ANO6: variants seen among roughly 807,000 people sequenced by gnomAD.
ANO6 encodes the protein anoctamin 6.
In ANO6, 106 loss-of-function variants were observed where a neutral mutation model predicts 117.5. The observed-to-expected ratio is 0.90, with a 90% CI of 0.77 to 1.06. The LOEUF (loss-of-function observed/expected upper bound fraction) is 1.06, where lower values mean the gene tolerates loss of function less well. Ranked by LOEUF, ANO6 falls within the 50% of genes least tolerant of loss-of-function variation. The pLI is 0.00. For missense variants in ANO6, 955 were observed against 1,121.1 expected, an observed-to-expected ratio of 0.85 and a Z score of 2.12; for synonymous variants, 367 against 385.1, an observed-to-expected ratio of 0.95 and a Z score of 0.55.
intron 1 of ANO6, among the ~76,000 whole-genome samples, chr12:45,282,482 A>T (rs1169099400): frequency 6.6e-6 from 1 of 152,222 alleles, no homozygotes; most frequent in Non-Finnish European, 1.5e-5. Context: ...GAGAGTCTTC[A>T]AAAGAAGTCG....
In ANO6 at chr12:45,309,852, G is replaced by A. The variant is rs1939793828; in HGVS notation, c.150+7759G>A. On this transcript the variant is annotated intron_variant, in intron 2 of 19. Coordinates refer to ENST00000320560, the MANE Select transcript of ANO6 (RefSeq NM_001025356.3). ...CTTTGCCTTGTGTCTTTGGCCTTAAGCTTGCCAAACTAAAAAAGAAACTCA... is the reference window on the plus strand; with the variant it reads ...CTTTGCCTTGTGTCTTTGGCCTTAAACTTGCCAAACTAAAAAAGAAACTCA... Among the ~76,000 whole-genome samples the A allele has an allele frequency of 2.6e-5, 4 of 152,006 alleles. No individual in the cohort carries two copies. In the South Asian group the frequency reaches 8.3e-4, roughly 31 times the overall value.
chr12:45,381,512 G>A (rs1942168499), intron 10 of ANO6, among the ~76,000 whole-genome samples: 1 of 152,216 alleles, frequency 6.6e-6, no homozygotes. Context: ...AGCATTGTGA[G>A]TCAGCACTGG....
At chr12:45,432,613 A>ACTT (rs1365791792), downstream of ANO6, among the ~76,000 whole-genome samples, 3 of 152,198 alleles carry the variant, frequency 2.0e-5, no homozygotes, top group African/African-American at 7.2e-5. Flanking sequence ...TTTTTACCAG[A>ACTT]CTTTTGAATA....
At chr12:45,422,376 G>A (rs1943387313) in intron 18 of ANO6, among the ~76,000 whole-genome samples, 1 of 152,042 alleles carries the variant, frequency 6.6e-6, no homozygotes, top group African/African-American at 2.4e-5. Flanking sequence ...GATAAATGTT[G>A]GGAGAACAAA....
At chr12:45,233,202 G>A (rs1592847781) in intron 1 of ANO6, among the ~76,000 whole-genome samples, 1 of 152,300 alleles carries the variant, frequency 6.6e-6, no homozygotes, top group East Asian at 1.9e-4. Flanking sequence ...ACCTACTGAT[G>A]ACTCTGATAT....
rs552967079 is a variant in ANO6, at chr12:45,226,990, T to C, written c.70+10599T>C. Reference sequence around the variant, plus strand: ...TAACAAAAATTATCATTTTCTTTTTTTTTTTTTTTTTTTTTGAAGATGGAG... The same window carrying C: ...TAACAAAAATTATCATTTTCTTTTTCTTTTTTTTTTTTTTTGAAGATGGAG... On this transcript the variant is annotated intron_variant, in intron 1 of 19. Transcript: ENST00000320560. Among the ~76,000 whole-genome samples, 905 of 146,034 alleles carry C rather than the reference T, an allele frequency of 6.2e-3. 10 individuals are homozygous for C. Among genetic ancestry groups the C allele is most frequent in the African/African-American group, 0.021 (832 of 39,752 alleles).
chr12:45,304,137 A>G (rs1393596685), intron 2 of ANO6, among the ~76,000 whole-genome samples: 1 of 152,144 alleles, frequency 6.6e-6, no homozygotes, highest in Non-Finnish European at 1.5e-5. Context: ...TCTCCTTAGC[A>G]TCAGCTTAGC....
chr12:45,264,529 T>C (rs779986066), intron 1 of ANO6, among the ~76,000 whole-genome samples: 1 of 152,232 alleles, frequency 6.6e-6, no homozygotes, highest in African/African-American at 2.4e-5. Context: ...ACCATTGATA[T>C]AGTAAGTGTG....
chr12:45,375,648 C>A (rs1339150358), intron 9 of ANO6, among the ~76,000 whole-genome samples: 3 of 151,924 alleles, frequency 2.0e-5, no homozygotes, highest in Non-Finnish European at 4.4e-5. Context: ...AACTGGCTAG[C>A]CATATGTAGA....
At chr12:45,369,320 G>A (rs1941763681) in intron 9 of ANO6, among the ~76,000 whole-genome samples, 1 of 152,172 alleles carries the variant, frequency 6.6e-6, no homozygotes, top group Non-Finnish European at 1.5e-5. Context: ...CTGGCTTTAA[G>A]GCAGATGCCA....
chr12:45,345,051 T>G (rs777834452), intron 3 of ANO6, among the ~76,000 whole-genome samples: 8 of 152,150 alleles, frequency 5.3e-5, no homozygotes, highest in Non-Finnish European at 1.0e-4. Context: ...TGCTTGTGTT[T>G]AGGGAAGTTA....
At chr12:45,302,782 G>C (rs1376973527) in intron 2 of ANO6, among the ~76,000 whole-genome samples, 1 of 152,242 alleles carries the variant, frequency 6.6e-6, no homozygotes, top group East Asian at 1.9e-4. Flanking sequence ...GGGCGGGGAT[G>C]GGAACAAGTG....
intron 1 of ANO6, among the ~76,000 whole-genome samples, chr12:45,252,455 A>G (rs974652722): frequency 6.6e-6 from 1 of 152,264 alleles, no homozygotes; most frequent in Non-Finnish European, 1.5e-5. Flanking sequence ...CCAAAGAAGC[A>G]TAATCATTTT....
At chr12:45,347,194 C>T in intron 4 of ANO6, 107 bp downstream of exon 4, 1 of 1,047,308 alleles carries the variant, frequency 9.5e-7, no homozygotes, top group East Asian at 2.5e-5. Context: ...CTGGCCACAT[C>T]TTAGTCATAG....
chr12:45,329,362 C>A (rs769640400), intron 2 of ANO6, among the ~76,000 whole-genome samples: 25 of 152,110 alleles, frequency 1.6e-4, no homozygotes, highest in Admixed American at 5.9e-4. Context: ...GTATTGCATT[C>A]TAATAGTACC....
chr12:45,437,494 A>T (rs1020249614), intron 19 of ANO6, among the ~76,000 whole-genome samples: 47 of 152,202 alleles, frequency 3.1e-4, no homozygotes, highest in African/African-American at 1.1e-3. Flanking sequence ...TTTCTAATAC[A>T]GTAATTTCTA....
Position 45,248,484 on chromosome 12 carries a change from A to G in ANO6, c.70+32093A>G, listed in dbSNP as rs144887510. 4.8e-3 allele frequency among the ~76,000 whole-genome samples: 607 copies of G among 127,268 alleles called. 5 individuals carry two copies. The highest frequency in any genetic ancestry group is 0.018 in the African/African-American group (573 of 31,344). 83.5% of individuals were successfully genotyped at this position (127,268 alleles called of 152,430 possible). A position where few individuals can be genotyped will look rare whatever the true frequency, so the allele number is the denominator to read the frequency against. ...AGTTGCTCTCTGTCGCCCAGGCTGG[A>G]GTGGAGTGGCATGATCTCGGTTCAT... On this transcript the variant is annotated intron_variant, in intron 1 of 19. Coordinates refer to ENST00000320560, the MANE Select transcript of ANO6 (RefSeq NM_001025356.3).
chr12:45,321,333 C>T (rs1213112928), intron 2 of ANO6, among the ~76,000 whole-genome samples: 3 of 152,080 alleles, frequency 2.0e-5, no homozygotes, highest in Admixed American at 2.0e-4. Flanking sequence ...ATTTTCGCTA[C>T]TTGCCTTGCG....
At chr12:45,365,137 CTG>C (rs1193862262) in intron 8 of ANO6, among the ~76,000 whole-genome samples, 2 of 152,178 alleles carry the variant, frequency 1.3e-5, no homozygotes, top group Admixed American at 6.5e-5. Flanking sequence ...CATCTCATGG[CTG>C]TGTGTGAGTG....
Sources: gnomAD v4.1 joint callset for allele counts (sites outside exome capture counted in the v4.1 genomes callset) on GRCh38, gnomAD v4.1.1 for gene constraint, MANE v1.5 for transcripts, NCBI Gene and HGNC (gene_info 2026-07-23, HGNC 2026-07-21) for gene names.